The following POLN variants were observed in gnomAD, a reference collection of about 807,000 sequenced individuals.
The protein encoded by POLN is DNA polymerase nu, also known as DNA polymerase N.
Under a neutral mutation model 113.5 loss-of-function variants are expected in POLN, and 108 were observed. The observed-to-expected ratio is 0.95, with a 90% confidence interval of 0.81 to 1.12. The LOEUF (loss-of-function observed/expected upper bound fraction) is 1.12. POLN is among the 50% of genes most tolerant of loss of function. POLN has a pLI of 0.00. For missense variants in POLN, 1,097 were observed against 1,077.1 expected, an observed-to-expected ratio of 1.02 and a Z score of -0.26; for synonymous variants, 386 against 391.5, an observed-to-expected ratio of 0.99 and a Z score of 0.17.
intron 2 of POLN, chr4:2,232,163 A>G (rs770377779): frequency 7.5e-7 from 1 of 1,332,258 alleles, no homozygotes; most frequent in East Asian, 2.5e-5. Flanking sequence ...GTTAACTCCT[A>G]AAAAAGGAAA....
chr4:2,081,947 CTTTTTTTTTT>C (rs71167773), intron 21 of POLN, among the ~76,000 whole-genome samples: 11 of 92,550 alleles, frequency 1.2e-4, no homozygotes, highest in African/African-American at 5.6e-4. Context: ...GCACTCTGCA[CTTTTTTTTTT>C]TTTTTTTTTT....
chr4:2,106,497 C>T (rs1731070006), intron 19 of POLN, among the ~76,000 whole-genome samples: 1 of 152,138 alleles, frequency 6.6e-6, no homozygotes, highest in Non-Finnish European at 1.5e-5. Context: ...CTAAAATTGG[C>T]ATGTGTGAAT....
intron 3 of POLN, among the ~76,000 whole-genome samples, chr4:2,220,943 G>A (rs988858869): frequency 6.6e-6 from 1 of 151,924 alleles, no homozygotes; most frequent in African/African-American, 2.4e-5. Flanking sequence ...AACTTTGTTT[G>A]TTTTTTCTGT....
At chr4:2,073,288 C>T (rs984624016) in intron 24 of POLN, among the ~76,000 whole-genome samples, 6 of 152,192 alleles carry the variant, frequency 3.9e-5, no homozygotes, top group African/African-American at 7.2e-5. Flanking sequence ...CCTTGGCCCT[C>T]GCTGCAGCCC....
intron 16 of POLN, among the ~76,000 whole-genome samples, chr4:2,154,690 T>C (rs1444698318): frequency 1.3e-5 from 2 of 152,228 alleles, no homozygotes; most frequent in Non-Finnish European, 2.9e-5. Flanking sequence ...AAAATGTTCA[T>C]GGTATTGGTT....
At chr4:2,077,409 C>T (rs535075963) in intron 23 of POLN, among the ~76,000 whole-genome samples, 17 of 152,214 alleles carry the variant, frequency 1.1e-4, no homozygotes, top group Non-Finnish European at 7.3e-5. Context: ...GCCCAGACAG[C>T]GGTACACTGG....
chr4:2,234,800 T>C (rs1734700474), intron 2 of POLN, among the ~76,000 whole-genome samples: 1 of 152,228 alleles, frequency 6.6e-6, no homozygotes, highest in Non-Finnish European at 1.5e-5. Flanking sequence ...ACCAGGATAA[T>C]TATTCACTGC....
chr4:2,167,777 T>A (rs187396212), intron 13 of POLN, among the ~76,000 whole-genome samples: 3 of 152,168 alleles, frequency 2.0e-5, no homozygotes, highest in Admixed American at 2.0e-4. Context: ...CAGGTGCATA[T>A]AGTCCCAGCT....
At chr4:2,105,497 C>CTTA (rs1731043112) in intron 19 of POLN, among the ~76,000 whole-genome samples, 1 of 151,988 alleles carries the variant, frequency 6.6e-6, no homozygotes, top group Non-Finnish European at 1.5e-5. Flanking sequence ...AGGAATAAAT[C>CTTA]TATAAGAAAA....
At chr4:2,193,572 G>T (rs1217710972) in intron 6 of POLN, among the ~76,000 whole-genome samples, 1 of 152,142 alleles carries the variant, frequency 6.6e-6, no homozygotes, top group African/African-American at 2.4e-5. Context: ...CCCATTACCT[G>T]TAGAATAAGA....
intron 14 of POLN, 133 bp from the exon 15 acceptor site, chr4:2,158,044 T>G (rs1732481590): frequency 2.0e-6 from 1 of 491,572 alleles, no homozygotes; most frequent in Non-Finnish European, 3.7e-6. Context: ...TTCTGCCTCC[T>G]GGGGTCAAGT....
intron 23 of POLN, chr4:2,079,669 C>A: frequency 1.1e-6 from 1 of 936,196 alleles, no homozygotes; most frequent in Non-Finnish European, 1.3e-6. Context: ...ACTGCAACCT[C>A]CACCTCCTGG....
At chr4:2,209,905 G>A (rs55884549) in intron 4 of POLN, among the ~76,000 whole-genome samples, 3 of 149,964 alleles carry the variant, frequency 2.0e-5, no homozygotes, top group African/African-American at 7.3e-5. Context: ...CAAGCAATCT[G>A]CCCGCCTTGG....
rs544143728 is a variant in POLN at position 2,149,594 on chromosome 4, C to T, written c.1731+7194G>A. Among the ~76,000 whole-genome samples the T allele has an allele frequency of 1.1e-4, 16 of 152,110 alleles. 1 individual carries two copies. The South Asian group carries it at 2.5e-3, about 24-fold the overall frequency. On this transcript the variant is annotated intron_variant, in intron 16 of 25. Transcript: ENST00000511885. ...ACTGATCTTGAACTCCTGGCCTAAA[C>T]GATATAGGATAGCAAGACCCATCTC... is the stretch of plus-strand genomic sequence containing the variant.
intron 16 of POLN, among the ~76,000 whole-genome samples, chr4:2,147,097 A>G (rs1427690417): frequency 6.6e-6 from 1 of 152,246 alleles, no homozygotes; most frequent in Non-Finnish European, 1.5e-5. Context: ...ACTACGCTGC[A>G]AGAAAAATGA....
At chr4:2,081,170 G>T (rs576786363) in intron 22 of POLN, 134 bp from the exon 23 acceptor site, 2 of 1,594,768 alleles carry the variant, frequency 1.3e-6, no homozygotes, top group East Asian at 4.5e-5. Context: ...TGAGTGCCAG[G>T]GCCACAGATG....
At chr4:2,110,890 T>C (rs1731176523) in intron 19 of POLN, among the ~76,000 whole-genome samples, 1 of 152,230 alleles carries the variant, frequency 6.6e-6, no homozygotes, top group African/African-American at 2.4e-5. Flanking sequence ...ACTCATTTTA[T>C]GAGGCCAGCA....
chr4:2,155,676 TTA>T (rs201245383), intron 16 of POLN, among the ~76,000 whole-genome samples: 1 of 152,106 alleles, frequency 6.6e-6, no homozygotes, highest in East Asian at 1.9e-4. Flanking sequence ...ATATTCATAT[TTA>T]TATATATATG....
chr4:2,076,382 CT>C (rs1730276769), intron 23 of POLN: 1 of 152,378 alleles, frequency 6.6e-6, no homozygotes, highest in African/African-American at 2.4e-5. Context: ...TGCCTCAAAT[CT>C]TGGTGATGTG....
Sources: allele counts gnomAD v4.1 joint callset (sites outside exome capture counted in the v4.1 genomes callset), GRCh38; gene constraint gnomAD v4.1.1; transcripts MANE v1.5; gene names NCBI Gene and HGNC (gene_info 2026-07-23, HGNC 2026-07-21).